The following NCALD variants were observed in gnomAD, a reference collection of about 807,000 sequenced individuals.
NCALD encodes the protein neurocalcin-delta.
Under a neutral mutation model 18.6 loss-of-function variants are expected in NCALD, and 10 were observed. That is an observed-to-expected ratio of 0.54 (90% CI 0.33 to 0.91). NCALD has a LOEUF of 0.91. Among genes scored for constraint, NCALD ranks in the 40% least tolerant of loss-of-function variants. The pLI is 0.03. For synonymous variants in NCALD, 88 were observed against 87.4 expected, an observed-to-expected ratio of 1.01 and a Z score of -0.04; for missense variants, 184 against 247.6, an observed-to-expected ratio of 0.74 and a Z score of 1.72.
intron 2 of NCALD, chr8:101,950,126 CA>C (rs1455847897): frequency 6.6e-6 from 1 of 152,302 alleles, no homozygotes; most frequent in Non-Finnish European, 1.5e-5. Context: ...CCAAACCCCA[CA>C]AAAATGACAG....
intron 1 of NCALD, among the ~76,000 whole-genome samples, chr8:102,103,618 A>G (rs755259483): frequency 2.0e-5 from 3 of 152,032 alleles, no homozygotes; most frequent in Non-Finnish European, 4.4e-5. Context: ...GTGGTGGTGC[A>G]GTCACAGCTC....
chr8:101,934,871 A>G (rs1818703883), intron 2 of NCALD, among the ~76,000 whole-genome samples: 1 of 152,174 alleles, frequency 6.6e-6, no homozygotes. Flanking sequence ...AAATACACAA[A>G]GAGAATATAA....
chr8:102,018,427 C>T (rs970874082), intron 2 of NCALD, among the ~76,000 whole-genome samples: 2 of 152,092 alleles, frequency 1.3e-5, no homozygotes, highest in African/African-American at 2.4e-5. Flanking sequence ...AAGGAACTAA[C>T]CACTGATACT....
At chr8:101,725,830 C>A (rs1816547306) in intron 1 of NCALD, among the ~76,000 whole-genome samples, 1 of 152,084 alleles carries the variant, frequency 6.6e-6, no homozygotes, top group African/African-American at 2.4e-5. Context: ...AATAGACACA[C>A]AATACATAAA....
intron 1 of NCALD, among the ~76,000 whole-genome samples, chr8:101,735,376 A>T (rs1817030359): frequency 1.3e-5 from 2 of 152,166 alleles, no homozygotes; most frequent in South Asian, 4.1e-4. Context: ...AGCACCCAAC[A>T]GCATCCTCGG....
intron 2 of NCALD, among the ~76,000 whole-genome samples, chr8:101,703,966 C>A (rs1815391677): frequency 1.3e-5 from 2 of 152,142 alleles, no homozygotes; most frequent in Admixed American, 1.3e-4. Context: ...CTGGCCCTCC[C>A]ACAAGGTCAA....
In NCALD at chr8:101,687,171, T is replaced by A. The variant is rs1814507160; in HGVS notation, c.*2138A>T. The A allele has an allele frequency of 6.6e-6, 1 of 152,354 alleles. No individual in the cohort carries two copies. The highest frequency in any genetic ancestry group is 2.1e-4 in the South Asian group (1 of 4,820). The allele number at this position is 152,354 out of a possible 1,614,324, so 9.4% of individuals were successfully genotyped here. A position where few individuals can be genotyped will look rare whatever the true frequency, so the allele number is the denominator to read the frequency against. On this transcript the variant is annotated 3_prime_UTR_variant, in exon 4 of 4. Transcript: ENST00000220931. ...GTGGGTCTGGCTCAGCGAGATGTCA[T>A]GACTAAGGGCAGAGCCCAGGCAGGT... is the stretch of plus-strand genomic sequence containing the variant.
chr8:101,691,909 A>G (rs1173509790), intron 3 of NCALD: 1 of 985,360 alleles, frequency 1.0e-6, no homozygotes, highest in Non-Finnish European at 1.2e-6. Context: ...TGAGCTGATA[A>G]TAACAGCAAG....
chr8:101,964,957 A>G (rs1234710584), intron 2 of NCALD, among the ~76,000 whole-genome samples: 1 of 152,196 alleles, frequency 6.6e-6, no homozygotes, highest in Non-Finnish European at 1.5e-5. Context: ...GGCGAAGGAT[A>G]TGAACAGACA....
At chr8:101,822,884 A>ACAAT (rs1179876455) in intron 4 of NCALD, among the ~76,000 whole-genome samples, 1 of 152,040 alleles carries the variant, frequency 6.6e-6, no homozygotes, top group African/African-American at 2.4e-5. Flanking sequence ...TCTTACTTTT[A>ACAAT]CAATCAGGTC....
chr8:101,838,743 A>AGT, intron 4 of NCALD, among the ~76,000 whole-genome samples: 1 of 152,336 alleles, frequency 6.6e-6, no homozygotes, highest in East Asian at 1.9e-4. Flanking sequence ...GATTTTTGTC[A>AGT]GTGTGTATGT....
At chr8:102,116,720 C>A (rs2132472268) in intron 1 of NCALD, among the ~76,000 whole-genome samples, 1 of 152,054 alleles carries the variant, frequency 6.6e-6, no homozygotes, top group Middle Eastern at 3.4e-3. Context: ...GTTGGCCAGG[C>A]TGTTTTTGAA....
chr8:102,004,599 T>A (rs895034056), intron 2 of NCALD, among the ~76,000 whole-genome samples: 3 of 152,148 alleles, frequency 2.0e-5, no homozygotes, highest in African/African-American at 7.2e-5. Flanking sequence ...AGAACAAAGC[T>A]GGAGGTGTCA....
At chr8:101,899,399 C>T (rs915653515) in intron 3 of NCALD, among the ~76,000 whole-genome samples, 8 of 151,926 alleles carry the variant, frequency 5.3e-5, no homozygotes, top group Admixed American at 3.9e-4. Flanking sequence ...TTCCTCTTCT[C>T]TATTGCATGT....
At chr8:102,015,188 G>A (rs1822041037) in intron 2 of NCALD, among the ~76,000 whole-genome samples, 1 of 152,092 alleles carries the variant, frequency 6.6e-6, no homozygotes, top group South Asian at 2.1e-4. Flanking sequence ...CCATTCTACT[G>A]TCTCATTTTT....
intron 1 of NCALD, among the ~76,000 whole-genome samples, chr8:101,756,707 G>A (rs1376268008): frequency 6.6e-6 from 1 of 152,360 alleles, no homozygotes; most frequent in South Asian, 2.1e-4. Flanking sequence ...ACTGCCGTTT[G>A]TGAGTGGTTC....
At chr8:101,985,237 A>AGC (rs1820764163) in intron 2 of NCALD, among the ~76,000 whole-genome samples, 1 of 152,022 alleles carries the variant, frequency 6.6e-6, no homozygotes, top group Admixed American at 6.5e-5. Context: ...CCCCCAGCCC[A>AGC]AGCTCCCAGC....
intron 2 of NCALD, among the ~76,000 whole-genome samples, chr8:102,000,327 A>T (rs914850076): frequency 6.6e-6 from 1 of 151,546 alleles, no homozygotes; most frequent in Non-Finnish European, 1.5e-5. Context: ...AGGCTGGGGG[A>T]GGGGTACCCG....
At chr8:101,899,844 C>T (rs1485165525) in intron 3 of NCALD, among the ~76,000 whole-genome samples, 2 of 151,642 alleles carry the variant, frequency 1.3e-5, no homozygotes, top group Non-Finnish European at 3.0e-5. Flanking sequence ...TTTTATTGTG[C>T]TTTTTCTAGT....
Sources: allele counts gnomAD v4.1 joint callset (sites outside exome capture counted in the v4.1 genomes callset), GRCh38; gene constraint gnomAD v4.1.1; transcripts MANE v1.5; gene names NCBI Gene and HGNC (gene_info 2026-07-23, HGNC 2026-07-21).